Variants in CCDC7 observed in about 807,000 individuals in gnomAD.
CCDC7 encodes coiled-coil domain-containing protein 7.
CCDC7 carries 183 observed loss-of-function variants against 196.9 expected under a neutral mutation model. That is an observed-to-expected ratio of 0.93 (90% CI 0.82 to 1.05). CCDC7 has a LOEUF of 1.05. CCDC7 is among the 50% of genes least tolerant of loss of function. The pLI is 0.00. For missense variants in CCDC7, 1,540 were observed against 1,482.2 expected (o/e 1.04, Z -0.64); for synonymous variants, 525 against 484.6 (o/e 1.08, Z -1.10).
intron 23 of CCDC7, 24 bp from the exon 25 acceptor site, chr10:32,694,855 G>T (rs756895096): frequency 5.0e-6 from 7 of 1,394,816 alleles, no homozygotes; most frequent in South Asian, 3.0e-5. Context: ...TCCATTAAGA[G>T]ACTAAATGCA....
intron 28 of CCDC7, among the ~76,000 whole-genome samples, chr10:32,777,630 G>A (rs1392538482): frequency 6.6e-6 from 1 of 152,044 alleles, no homozygotes; most frequent in Non-Finnish European, 1.5e-5. Flanking sequence ...GCCAAGGTGG[G>A]TGGATCACTT....
At chr10:32,599,675 A>G (rs1467783876) in intron 18 of CCDC7, among the ~76,000 whole-genome samples, 1 of 152,068 alleles carries the variant, frequency 6.6e-6, no homozygotes, top group Non-Finnish European at 1.5e-5. Flanking sequence ...TTATTTCAAT[A>G]ATATTAGGGG....
intron 31 of CCDC7, among the ~76,000 whole-genome samples, chr10:32,824,040 AT>A: frequency 6.6e-6 from 1 of 152,214 alleles, no homozygotes; most frequent in Non-Finnish European, 1.5e-5. Context: ...GTTTTATTAT[AT>A]TTTGTGAGTT....
intron 41 of CCDC7, among the ~76,000 whole-genome samples, chr10:32,868,995 T>G (rs2094320707): frequency 1.3e-5 from 2 of 152,130 alleles, no homozygotes; most frequent in South Asian, 4.1e-4. Context: ...TGGTTCAAAG[T>G]CTTTGCTATT....
chr10:32,678,361 C>G (rs2075349341), intron 21 of CCDC7, among the ~76,000 whole-genome samples: 1 of 152,128 alleles, frequency 6.6e-6, no homozygotes, highest in Non-Finnish European at 1.5e-5. Flanking sequence ...TTTAAAGAAG[C>G]ATCTTTACAT....
At chr10:32,541,127 G>A (rs1240827691) in intron 11 of CCDC7, among the ~76,000 whole-genome samples, 1 of 151,192 alleles carries the variant, frequency 6.6e-6, no homozygotes, top group Non-Finnish European at 1.5e-5. Context: ...GGATAGAGTT[G>A]CTCGCCCTGC....
intron 11 of CCDC7, among the ~76,000 whole-genome samples, chr10:32,542,785 C>G (rs1283657693): frequency 1.3e-5 from 2 of 152,116 alleles, no homozygotes; most frequent in Non-Finnish European, 2.9e-5. Flanking sequence ...AAGTTGCAAC[C>G]TATTCAATGC....
chr10:32,583,099 A>T (rs1411180415), exon 17 of CCDC7: 3 of 1,231,238 alleles, frequency 2.4e-6, no homozygotes, highest in African/African-American at 3.1e-5. Context: ...TCTCAAGATG[A>T]ATCAGCATTT....
chr10:32,454,880 C>T (rs1157924303), intron 2 of CCDC7, among the ~76,000 whole-genome samples: 1 of 152,100 alleles, frequency 6.6e-6, no homozygotes, highest in Non-Finnish European at 1.5e-5. Context: ...CCTTTGATTT[C>T]ACAGGGAAAC....
At chr10:32,551,798 GGCTC>G (rs1184608484) in intron 13 of CCDC7, among the ~76,000 whole-genome samples, 6 of 152,080 alleles carry the variant, frequency 3.9e-5, no homozygotes, top group Non-Finnish European at 8.8e-5. Flanking sequence ...AATTTATTGA[GGCTC>G]ATTTTATGGC....
At chr10:32,463,723 G>A (rs72795505) in intron 5 of CCDC7, among the ~76,000 whole-genome samples, 13,552 of 152,104 alleles carry the variant, frequency 0.089, 866 homozygotes, top group East Asian at 0.33. Context: ...TTTATTTGGG[G>A]GTATTTAAAG....
intron 16 of CCDC7, among the ~76,000 whole-genome samples, chr10:32,574,260 G>T (rs1252947762): frequency 6.7e-6 from 1 of 150,030 alleles, no homozygotes; most frequent in Non-Finnish European, 1.5e-5. Context: ...GTTTCAGCTT[G>T]ATAGGTTTTA....
chr10:32,832,490 A>T (rs766927300), intron 32 of CCDC7, among the ~76,000 whole-genome samples: 1 of 152,054 alleles, frequency 6.6e-6, no homozygotes, highest in East Asian at 1.9e-4. Flanking sequence ...GGGAAAAAAA[A>T]CCCAAAAATT....
In CCDC7 at chr10:32,744,887, T is replaced by C. The variant is rs908287314; in HGVS notation, c.2905+15430T>C. On this transcript the variant is annotated intron_variant, in intron 28 of 41. Transcript: ENST00000639629. ...CTTTCATATTTTGTCTATAAAGTCA[T>C]CTCCATGCCCAATGTCACCTAGGAA... Among the ~76,000 whole-genome samples, 14 of 152,346 alleles carry C rather than the reference T, an allele frequency of 9.2e-5. No homozygotes were observed. In the East Asian group the frequency reaches 2.7e-3, roughly 29 times the overall value.
intron 26 of CCDC7, among the ~76,000 whole-genome samples, chr10:32,728,646 A>C (rs2132684174): frequency 6.6e-6 from 1 of 152,336 alleles, no homozygotes; most frequent in Admixed American, 6.5e-5. Flanking sequence ...TATTTTGATT[A>C]TGTATTAAAG....
At chr10:32,814,543 G>A (rs1209294294) in intron 31 of CCDC7, 90 bp downstream of exon 32, 1 of 871,782 alleles carries the variant, frequency 1.1e-6, no homozygotes, top group Non-Finnish European at 1.8e-6. Context: ...GGAGAACAGT[G>A]CCTATGAATT....
chr10:32,868,838 G>A (rs944150844), intron 41 of CCDC7, among the ~76,000 whole-genome samples: 6 of 150,622 alleles, frequency 4.0e-5, no homozygotes, highest in East Asian at 2.0e-4. Context: ...TTGTCCTTCC[G>A]ATACTTTGCT....
intron 18 of CCDC7, among the ~76,000 whole-genome samples, chr10:32,597,663 G>A (rs939148149): frequency 4.6e-5 from 7 of 152,116 alleles, no homozygotes; most frequent in African/African-American, 1.4e-4. Flanking sequence ...TTTTATCTAC[G>A]TTTGGTCTTT....
chr10:32,443,551 A>AT (rs2030461806), upstream of CCDC7, among the ~76,000 whole-genome samples: 1 of 152,146 alleles, frequency 6.6e-6, no homozygotes, highest in African/African-American at 2.4e-5. Context: ...ATCAGCTTTC[A>AT]TTTTCATTGT....
Sources: allele counts gnomAD v4.1 joint callset (sites outside exome capture counted in the v4.1 genomes callset), GRCh38; gene constraint gnomAD v4.1.1; transcripts MANE v1.5; gene names NCBI Gene and HGNC (gene_info 2026-07-23, HGNC 2026-07-21).